Variants in PCDHGA2 observed in about 807,000 individuals in gnomAD.
PCDHGA2 encodes protocadherin gamma subfamily A, 2, also known as protocadherin gamma-A2.
A neutral mutation model predicts 59.2 loss-of-function variants in PCDHGA2; 40 were observed. The ratio of observed to expected loss-of-function variants is 0.68; its 90% confidence interval spans 0.52 to 0.88. PCDHGA2 has a LOEUF of 0.88. Ranked by LOEUF, PCDHGA2 falls within the 40% of genes least tolerant of loss-of-function variation. The pLI, the probability that PCDHGA2 is intolerant of heterozygous loss-of-function variation, is 0.00. For missense variants in PCDHGA2, 1,226 were observed against 1,204.0 expected, an observed-to-expected ratio of 1.02 and a Z score of -0.27; for synonymous variants, 560 against 526.0, an observed-to-expected ratio of 1.06 and a Z score of -0.89.
chr5:141,404,001 C>T, intron 1 of PCDHGA2: 8 of 1,613,870 alleles, frequency 5.0e-6, no homozygotes, highest in South Asian at 1.1e-5. Context: ...GTGACCATTA[C>T]ATCTCTGTTT....
At chr5:141,391,707 C>T (rs1004180070) in intron 1 of PCDHGA2, 1 of 152,154 alleles carries the variant, frequency 6.6e-6, no homozygotes, top group African/African-American at 2.4e-5. Context: ...CCAGGCTGGT[C>T]TTGAAGGGAA....
At position 141,486,646 on chromosome 5, in the gene PCDHGA2, C is replaced by T; in HGVS notation, c.2425-8161C>T. On this transcript the variant is annotated intron_variant, in intron 1 of 3. Transcript: ENST00000394576. The surrounding 1 kb of genome is among the most constrained non-coding windows in gnomAD (Gnocchi z 5.0). ...ACTCTGGCTTGAATGCGCTTATCTC[C>T]TACTCACTCCTGGAGCCCAGGAATC... is the stretch of plus-strand genomic sequence containing the variant. 4.3e-6 allele frequency: 7 copies of T among 1,613,916 alleles called. No individual in the cohort carries two copies. Among genetic ancestry groups the T allele is most frequent in the African/African-American group, 1.3e-5 (1 of 75,058 alleles).
intron 1 of PCDHGA2, chr5:141,410,075 GAGGTGCGCAC>G: frequency 6.2e-7 from 1 of 1,612,898 alleles, no homozygotes; most frequent in East Asian, 2.2e-5. Context: ...GCGCACTGGG[GAGGTGCGCAC>G]GGCTCGAGCC....
At chr5:141,454,970 G>A (rs2098808431) in intron 1 of PCDHGA2, among the ~76,000 whole-genome samples, 2 of 151,444 alleles carry the variant, frequency 1.3e-5, no homozygotes, top group African/African-American at 4.9e-5. Context: ...ACCACGCCTG[G>A]CTAATTTTTT....
chr5:141,469,206 AG>A (rs1457933263), intron 1 of PCDHGA2, among the ~76,000 whole-genome samples: 1 of 150,920 alleles, frequency 6.6e-6, no homozygotes, highest in African/African-American at 2.4e-5. Context: ...AGCCTTTTGA[AG>A]TTGAGGCTTC....
chr5:141,464,769 T>C (rs2154568595), intron 1 of PCDHGA2, among the ~76,000 whole-genome samples: 1 of 152,328 alleles, frequency 6.6e-6, no homozygotes. Flanking sequence ...ACAGGAATCT[T>C]GTTCTGTTGC....
intron 1 of PCDHGA2, chr5:141,384,711 G>A (rs765373675): frequency 2.5e-6 from 4 of 1,614,042 alleles, no homozygotes; most frequent in East Asian, 2.2e-5. Flanking sequence ...ACGCCTGGCT[G>A]TCATACCTCC....
At chr5:141,422,617 G>T (rs758903894) in intron 1 of PCDHGA2, 3 of 1,613,524 alleles carry the variant, frequency 1.9e-6, no homozygotes, top group Non-Finnish European at 2.5e-6. Context: ...CTACATTCCC[G>T]AAAACAACCC....
chr5:141,367,025 G>T, intron 1 of PCDHGA2: 2 of 394,068 alleles, frequency 5.1e-6, no homozygotes, highest in Non-Finnish European at 9.0e-6. Context: ...TTGTTATATT[G>T]GAACTGCAGT....
chr5:141,343,187 T>G (rs1757263957), intron 1 of PCDHGA2: 1 of 553,308 alleles, frequency 1.8e-6, no homozygotes, highest in African/African-American at 2.0e-5. Context: ...TCCCCAAACA[T>G]ATTGTCTGAT....
rs959855220 is a variant in PCDHGA2, at chr5:141,476,280, G to A, written c.2425-18527G>A. 4 of 1,614,010 alleles carry A rather than the reference G, an allele frequency of 2.5e-6. No individual in the cohort carries two copies. In the African/African-American group the frequency reaches 5.3e-5, roughly 22 times the overall value. On this transcript the variant is annotated intron_variant, in intron 1 of 3. Transcript: ENST00000394576. This position sits in a 1 kb window ranked among gnomAD's most constrained non-coding sequence, Gnocchi z 7.6. ...GTGGGCAACGTGGTCGCGAACCTTG[G>A]TTTGGATCTCGGTAGCCTCTCAGCC...
chr5:141,393,588 A>G, intron 1 of PCDHGA2: 1 of 1,613,924 alleles, frequency 6.2e-7, no homozygotes. Context: ...GCCCCCAGGC[A>G]CGCGGCTGCT....
chr5:141,485,247 G>T lies in PCDHGA2; in HGVS notation c.2425-9560G>T. On this transcript the variant is annotated intron_variant, in intron 1 of 3. Coordinates refer to ENST00000394576, the MANE Select transcript of PCDHGA2 (RefSeq NM_018915.4). The surrounding 1 kb of genome is among the most constrained non-coding windows in gnomAD (Gnocchi z 5.7). ...CTTTTGTTCCTCTTTTACCACCTGG[G>T]TTACGTTTGTGGGCAGATCCGCTAC... The T allele has an allele frequency of 2.5e-6, 4 of 1,614,156 alleles. No individual in the cohort carries two copies. The highest frequency in any genetic ancestry group is 3.4e-6 in the Non-Finnish European group (4 of 1,180,010).
chr5:141,374,131 C>T (rs1425329910), intron 1 of PCDHGA2: 4 of 1,604,596 alleles, frequency 2.5e-6, no homozygotes, highest in Non-Finnish European at 8.5e-7. Context: ...AGGTCCTGCT[C>T]CTCACGCTCC....
intron 1 of PCDHGA2, chr5:141,418,991 G>A (rs1335937354): frequency 6.2e-7 from 1 of 1,613,836 alleles, no homozygotes. Context: ...AGACTCAGGG[G>A]AAAATGGGGA....
At chr5:141,374,134 C>T in intron 1 of PCDHGA2, 4 of 1,605,352 alleles carry the variant, frequency 2.5e-6, no homozygotes, top group Non-Finnish European at 3.4e-6. Context: ...TCCTGCTCCT[C>T]ACGCTCCTGG....
chr5:141,364,807 T>A, intron 1 of PCDHGA2: 1 of 1,614,018 alleles, frequency 6.2e-7, no homozygotes, highest in Non-Finnish European at 8.5e-7. Flanking sequence ...TCGCGCGGGA[T>A]GCGGATGTGG....
Position 141,477,598 on chromosome 5 carries a change from C to A in PCDHGA2, c.2425-17209C>A. The A allele has an allele frequency of 6.2e-7, 1 of 1,614,180 alleles. No homozygotes were observed. The highest frequency in any genetic ancestry group is 8.5e-7 in the Non-Finnish European group (1 of 1,180,030). ...CCCCGCAGAATGCTCGGCTTTCTTT[C>A]TTTCTCTTGGAGCAAGGAGCTGAAA... On this transcript the variant is annotated intron_variant, in intron 1 of 3. Transcript: ENST00000394576. This position sits in a 1 kb window ranked among gnomAD's most constrained non-coding sequence, Gnocchi z 4.9.
At chr5:141,501,691 G>C (rs910322085) in intron 2 of PCDHGA2, among the ~76,000 whole-genome samples, 1 of 152,092 alleles carries the variant, frequency 6.6e-6, no homozygotes, top group Non-Finnish European at 1.5e-5. Context: ...CTTATCTGCA[G>C]GGTGATTCCG....
Sources: gnomAD v4.1 joint callset for allele counts (sites outside exome capture counted in the v4.1 genomes callset) on GRCh38, gnomAD v4.1.1 for gene constraint, Gnocchi (gnomAD v3.1) non-coding constraint, MANE v1.5 for transcripts, NCBI Gene and HGNC (gene_info 2026-07-23, HGNC 2026-07-21) for gene names.